The following SRPX variants were observed in gnomAD, a reference collection of about 807,000 sequenced individuals.
The protein encoded by SRPX is sushi repeat containing protein X-linked.
SRPX carries 24 observed loss-of-function variants against 38.1 expected under a neutral mutation model. That is an observed-to-expected ratio of 0.63 (90% CI 0.46 to 0.89). The LOEUF (loss-of-function observed/expected upper bound fraction) is 0.89. Among genes scored for constraint, SRPX ranks in the 40% least tolerant of loss-of-function variants. The pLI is 0.00. For synonymous variants in SRPX, 184 were observed against 153.8 expected, an observed-to-expected ratio of 1.20 and a Z score of -1.45; for missense variants, 416 against 377.8, an observed-to-expected ratio of 1.10 and a Z score of -0.84.
chrX:38,174,121 G>A (rs890237087), intron 3 of SRPX, 39 bp downstream of exon 3: 7 of 990,316 alleles, frequency 7.1e-6, no homozygotes, highest in African/African-American at 2.0e-5. Context: ...TTTGGCTCTG[G>A]TCATCCCTGA....
At chrX:38,177,304 C>CA (rs1386141708) in intron 2 of SRPX, among the ~76,000 whole-genome samples, 2 of 110,783 alleles carry the variant, frequency 1.8e-5, no homozygotes, top group Non-Finnish European at 3.8e-5. Flanking sequence ...TCAGATCTCA[C>CA]AAAAAAATGT....
In SRPX at chrX:38,218,497, C is replaced by G. The variant is rs757710898; in HGVS notation, c.97+2199G>C. Among the ~76,000 whole-genome samples the G allele has an allele frequency of 4.5e-5, 5 of 112,043 alleles. No individual in the cohort carries two copies. The South Asian group carries it at 1.9e-3, about 42-fold the overall frequency. ...CATTAAATTCTAAGATGGAAGAACT[C>G]CAGAGACCTTCTAGGAGTGGGAATG... is the stretch of plus-strand genomic sequence containing the variant. On this transcript the variant is annotated intron_variant, in intron 1 of 9. Transcript: ENST00000378533.
At chrX:38,178,197 C>A in intron 2 of SRPX, 88 bp downstream of exon 2, 1 of 635,560 alleles carries the variant, frequency 1.6e-6, no homozygotes, top group Non-Finnish European at 2.4e-6. Context: ...GTTGTCTGGT[C>A]ACTTTATTAC....
chrX:38,176,079 C>A (rs1395117857), intron 2 of SRPX, among the ~76,000 whole-genome samples: 1 of 111,216 alleles, frequency 9.0e-6, no homozygotes, highest in African/African-American at 3.3e-5. Context: ...AAAAGATTAA[C>A]AACAACTAAT....
intron 7 of SRPX, 48 bp downstream of exon 7, chrX:38,159,969 C>T (rs375532095): frequency 6.0e-6 from 7 of 1,169,358 alleles, no homozygotes; most frequent in Middle Eastern, 2.6e-4. Context: ...AATCAAGAAC[C>T]AAGGGGTTTA....
intron 8 of SRPX, 37 bp downstream of exon 8, chrX:38,156,859 G>T (rs775412656): frequency 8.4e-7 from 1 of 1,193,717 alleles, no homozygotes; most frequent in South Asian, 1.9e-5. Context: ...CCTGTTAAAG[G>T]TCTCCCTCTC....
chrX:38,153,298 CTTTCTTT>C (rs1324889227), intron 9 of SRPX, among the ~76,000 whole-genome samples: 3 of 60,495 alleles, frequency 5.0e-5, no homozygotes, highest in South Asian at 1.6e-3. Context: ...TTCTTTCTTT[CTTTCTTT>C]TTTTTTTTTT....
chrX:38,161,949 A>G (rs1339446358), intron 5 of SRPX, among the ~76,000 whole-genome samples: 2 of 112,267 alleles, frequency 1.8e-5, no homozygotes, highest in Non-Finnish European at 3.8e-5. Context: ...ACGTGGAATT[A>G]TCATTGTCAC....
At chrX:38,186,248 G>T (rs958714563) in intron 1 of SRPX, among the ~76,000 whole-genome samples, 1 of 110,454 alleles carries the variant, frequency 9.1e-6, no homozygotes, top group Non-Finnish European at 1.9e-5. Flanking sequence ...TGTGTTGAGG[G>T]ACCAAAAGCC....
intron 1 of SRPX, among the ~76,000 whole-genome samples, chrX:38,182,060 C>T (rs6611176): frequency 9.0e-6 from 1 of 111,481 alleles, no homozygotes; most frequent in Non-Finnish European, 1.9e-5. Context: ...ACACTAAGTG[C>T]CTATGATATG....
At chrX:38,154,675 T>G in intron 8 of SRPX, 92 bp from the exon 9 acceptor site, 1 of 1,083,514 alleles carries the variant, frequency 9.2e-7, no homozygotes, top group South Asian at 2.2e-5. Context: ...AGCACTGGCC[T>G]GTCTCTGGAA....
chrX:38,149,618 A>C lies in SRPX; in HGVS notation c.*93T>G, dbSNP rs1937970431. The C allele has an allele frequency of 1.2e-6, 1 of 849,155 alleles. No individual in the cohort carries two copies. Among genetic ancestry groups the C allele is most frequent in the Non-Finnish European group, 1.6e-6 (1 of 627,689 alleles). The allele number at this position is 849,155 out of a possible 1,213,427, so 70.0% of individuals were successfully genotyped here. A position where few individuals can be genotyped will look rare whatever the true frequency, so the allele number is the denominator to read the frequency against. ...AAATAGACTTTTAAAATTACAAATA[A>C]AATCTGTACATCAAGGATATTTTTA... On this transcript the variant is annotated 3_prime_UTR_variant, in exon 10 of 10. Transcript: ENST00000378533.
intron 3 of SRPX, among the ~76,000 whole-genome samples, chrX:38,173,860 C>T (rs772703857): frequency 1.2e-4 from 13 of 112,007 alleles, no homozygotes; most frequent in South Asian, 3.8e-4. Context: ...TGGCAGGACC[C>T]ATGTGCGTCT....
chrX:38,161,282 T>A (rs1602440653), intron 5 of SRPX, among the ~76,000 whole-genome samples: 1 of 110,889 alleles, frequency 9.0e-6, no homozygotes, highest in East Asian at 2.8e-4. Flanking sequence ...AAGCTTAGAC[T>A]TTTTTCTTGC....
chrX:38,177,907 T>C (rs371893670), intron 2 of SRPX, among the ~76,000 whole-genome samples: 3 of 112,384 alleles, frequency 2.7e-5, no homozygotes, highest in Admixed American at 1.9e-4. Flanking sequence ...TTCATCTTAG[T>C]ACATTATCAG....
At chrX:38,179,192 C>T (rs1187539000) in intron 1 of SRPX, among the ~76,000 whole-genome samples, 2 of 111,335 alleles carry the variant, frequency 1.8e-5, no homozygotes, top group East Asian at 2.8e-4. Flanking sequence ...ATGATCTGCC[C>T]GCCTCGGCCT....
At chrX:38,158,763 G>C (rs1037910329) in intron 7 of SRPX, among the ~76,000 whole-genome samples, 1 of 111,434 alleles carries the variant, frequency 9.0e-6, no homozygotes, top group African/African-American at 3.3e-5. Context: ...TGCAGATCAC[G>C]AGGTCAGGAG....
intron 2 of SRPX, among the ~76,000 whole-genome samples, chrX:38,177,450 G>A (rs760755787): frequency 1.2e-3 from 129 of 110,748 alleles, no homozygotes; most frequent in African/African-American, 4.0e-3. Context: ...TGATTCTCCT[G>A]TATCTGAGAC....
intron 1 of SRPX, among the ~76,000 whole-genome samples, chrX:38,218,813 G>A (rs779718889): frequency 2.1e-4 from 23 of 111,921 alleles, no homozygotes; most frequent in Non-Finnish European, 3.9e-4. Context: ...CTCTGGCTTG[G>A]ACTGAAATCC....
Sources: gnomAD v4.1 joint callset for allele counts (sites outside exome capture counted in the v4.1 genomes callset) on GRCh38, gnomAD v4.1.1 for gene constraint, MANE v1.5 for transcripts, NCBI Gene and HGNC (gene_info 2026-07-23, HGNC 2026-07-21) for gene names.